PLXNB2: variants seen among roughly 807,000 people sequenced by gnomAD.
PLXNB2 encodes plexin-B2.
A neutral mutation model predicts 202.6 loss-of-function variants in PLXNB2; 85 were observed. The ratio of observed to expected loss-of-function variants is 0.42; its 90% CI spans 0.35 to 0.50. The LOEUF (loss-of-function observed/expected upper bound fraction) is 0.50, where lower values mean the gene tolerates loss of function less well. Ranked by LOEUF, PLXNB2 falls within the 20% of genes least tolerant of loss-of-function variation. The pLI, the probability that PLXNB2 is intolerant of heterozygous loss-of-function variation, is 0.02. For synonymous variants in PLXNB2, 1,239 were observed against 1,137.6 expected, an observed-to-expected ratio of 1.09 and a Z score of -1.79; for missense variants, 2,063 against 2,586.2, an observed-to-expected ratio of 0.80 and a Z score of 4.39.
chr22:50,279,614 C>T lies in PLXNB2; in HGVS notation c.4389+16G>A. The T allele has an allele frequency of 3.1e-6, 5 of 1,612,596 alleles. 1 individual carries two copies. In the South Asian group the frequency reaches 5.5e-5, roughly 18 times the overall value. Reference sequence around the variant, plus strand: ...GATCCGAGGCGCCCATGGCGGCCCCCACCCCAGAAGCTCACCAGGGGTGCG... The same window carrying T: ...GATCCGAGGCGCCCATGGCGGCCCCTACCCCAGAAGCTCACCAGGGGTGCG... On this transcript the variant is annotated intron_variant, in intron 27 of 36. Transcript: ENST00000359337.
chr22:50,294,087 G>A (rs574088464), intron 2 of PLXNB2, among the ~76,000 whole-genome samples: 10 of 152,346 alleles, frequency 6.6e-5, no homozygotes, highest in South Asian at 2.1e-4. Flanking sequence ...CTCCGGCGGC[G>A]CAGGAGGCGC....
At chr22:50,306,728 CT>C (rs2147742693) in intron 1 of PLXNB2, among the ~76,000 whole-genome samples, 1 of 151,380 alleles carries the variant, frequency 6.6e-6, no homozygotes, top group South Asian at 2.1e-4. Flanking sequence ...CACCCTCACC[CT>C]CACCCCCTGT....
intron 1 of PLXNB2, among the ~76,000 whole-genome samples, chr22:50,300,042 C>G (rs942654427): frequency 6.6e-6 from 1 of 152,050 alleles, no homozygotes; most frequent in Non-Finnish European, 1.5e-5. Flanking sequence ...CCGCCCACTG[C>G]CCCCCGCGAG....
rs1419110861 is a variant in PLXNB2, at chr22:50,278,454, C to T, written c.4713G>A (p.Gln1571=). Residue 1571 remains glutamine (Q), a synonymous_variant, in exon 30 of 37, where the codon CAG becomes CAA. Coordinates refer to ENST00000359337, the MANE Select transcript of PLXNB2 (RefSeq NM_012401.4). The part of the protein sequence containing the change: ...VGVSQQPEDS[Q]QDLPGERHAL... Reference sequence around the variant, plus strand: ...ACTCACGCTCCCCAGGCAGGTCCTGCTGGCTGTCCTCCGGCTGCTGGGAGA... The same window carrying T: ...ACTCACGCTCCCCAGGCAGGTCCTGTTGGCTGTCCTCCGGCTGCTGGGAGA... 2 of 1,559,086 alleles carry T rather than the reference C, an allele frequency of 1.3e-6. No homozygotes were observed. The highest frequency in any genetic ancestry group is 1.7e-6 in the Non-Finnish European group (2 of 1,151,614).
rs2065750668 is a variant in PLXNB2, at chr22:50,278,248, TCTC to T, written c.4753_4755del (p.Glu1585del). Reference sequence around the variant, plus strand: ...GGCCGCACCAGGTGCCACACCCGGTTCTCCTCCTCCAGGAGGGCATGGCCTGTG... The same window carrying T: ...GGCCGCACCAGGTGCCACACCCGGTTCTCCTCCAGGAGGGCATGGCCTGTG... On this transcript the variant is annotated inframe_deletion, in exon 31 of 37. Transcript: ENST00000359337. 3 of 1,610,810 alleles carry T rather than the reference TCTC, an allele frequency of 1.9e-6. No homozygotes were observed. The highest frequency in any genetic ancestry group is 2.5e-6 in the Non-Finnish European group (3 of 1,179,888).
At chr22:50,293,107 AG>A (rs1408631745) in intron 2 of PLXNB2, among the ~76,000 whole-genome samples, 1 of 152,228 alleles carries the variant, frequency 6.6e-6, no homozygotes, top group African/African-American at 2.4e-5. Flanking sequence ...GTGATCAGCC[AG>A]GAAAAGATGC....
intron 1 of PLXNB2, among the ~76,000 whole-genome samples, chr22:50,307,086 C>T (rs1467723489): frequency 1.3e-5 from 2 of 152,108 alleles, no homozygotes; most frequent in South Asian, 2.1e-4. Flanking sequence ...TCGCCAGGTG[C>T]GGGTGCTCTC....
chr22:50,276,955 G>T, intron 33 of PLXNB2, 49 bp from the exon 34 acceptor site: 1 of 1,432,626 alleles, frequency 7.0e-7, no homozygotes, highest in Non-Finnish European at 9.6e-7. Context: ...GCCAGGCTGG[G>T]GCTGCTCAGA....
chr22:50,296,051 G>A (rs1053209935), intron 1 of PLXNB2, among the ~76,000 whole-genome samples: 5 of 152,024 alleles, frequency 3.3e-5, no homozygotes, highest in Admixed American at 2.6e-4. Context: ...GCAGTGAGCC[G>A]AGATCGCGCC....
In PLXNB2 at chr22:50,284,033, G is replaced by A. The variant is rs755949129; in HGVS notation, c.2264-43C>T. The A allele has an allele frequency of 2.6e-5, 39 of 1,510,706 alleles. No individual in the cohort carries two copies. The highest frequency in any genetic ancestry group is 6.0e-5 in the Admixed American group (3 of 49,896). The allele number at this position is 1,510,706 out of a possible 1,614,324, so 93.6% of individuals were successfully genotyped here. ...GTCAGTGGTCACCCCGTGCCTGCCCGCCCCCGACCTGCTCCCCACTGCGCC... is the reference window on the plus strand; with the variant it reads ...GTCAGTGGTCACCCCGTGCCTGCCCACCCCCGACCTGCTCCCCACTGCGCC... On this transcript the variant is annotated intron_variant, in intron 13 of 36. Coordinates refer to ENST00000359337, the MANE Select transcript of PLXNB2 (RefSeq NM_012401.4). This position sits in a 1 kb window ranked among gnomAD's most constrained non-coding sequence, Gnocchi z 8.0.
At position 50,300,390 on chromosome 22, in the gene PLXNB2, G is replaced by T. The variant is rs543510945; in HGVS notation, c.-73-5612C>A. Reference sequence around the variant, plus strand: ...CGATGGTGGCTCCGCCCGTGCCCCCGGTCGGTCTCAGGGCTCGGCCCCTCC... The same window carrying T: ...CGATGGTGGCTCCGCCCGTGCCCCCTGTCGGTCTCAGGGCTCGGCCCCTCC... On this transcript the variant is annotated intron_variant, in intron 1 of 36. Coordinates refer to ENST00000359337, the MANE Select transcript of PLXNB2 (RefSeq NM_012401.4). The T allele has an allele frequency of 4.2e-5, 39 of 921,900 alleles. No homozygotes were observed. The East Asian group carries it at 3.7e-3, about 87-fold the overall frequency. The allele number at this position is 921,900 out of a possible 1,614,324, so 57.1% of individuals were successfully genotyped here.
Position 50,288,740 on chromosome 22 carries a change from C to G in PLXNB2, c.1380+3G>C. On this transcript the variant is annotated splice_donor_region_variant and intron_variant, in intron 5 of 36. Coordinates refer to ENST00000359337, the MANE Select transcript of PLXNB2 (RefSeq NM_012401.4). This position sits in a 1 kb window ranked among gnomAD's most constrained non-coding sequence, Gnocchi z 5.0. ...GTGCTCTCCGGGGCTGCGTCTGGCT[C>G]ACCTTGTCCTGGGTCATGGCGTACA... The G allele has an allele frequency of 6.2e-7, 1 of 1,612,802 alleles. No homozygotes were observed. Among genetic ancestry groups the G allele is most frequent in the South Asian group, 1.1e-5 (1 of 91,060 alleles).
intron 18 of PLXNB2, 129 bp from the exon 19 acceptor site, chr22:50,282,442 C>CCGTATCATTAAAAAAAA (rs1487459478): frequency 2.1e-6 from 2 of 956,052 alleles, no homozygotes; most frequent in Non-Finnish European, 3.0e-6. Flanking sequence ...TCTCGGTGGG[C>CCGTATCATTAAAAAAAA]AAAGGGGCAA....
chr22:50,300,174 G>A, intron 1 of PLXNB2: 1 of 726,720 alleles, frequency 1.4e-6, no homozygotes, highest in Non-Finnish European at 1.7e-6. Flanking sequence ...CCAGGCCGGG[G>A]GCCCAGGACG....
chr22:50,287,922 AC>A lies in PLXNB2; in HGVS notation c.1481+14del. ...CAGAGGCAGGCCGTGTCCCCGAGCC[AC>A]CCCAGGCACTCACCGTCCCTCGACG... On this transcript the variant is annotated intron_variant, in intron 6 of 36. Transcript: ENST00000359337. 6.3e-7 allele frequency: 1 copy of A among 1,582,148 alleles called. No individual in the cohort carries two copies. Among genetic ancestry groups the A allele is most frequent in the South Asian group, 1.1e-5 (1 of 87,336 alleles).
intron 1 of PLXNB2, among the ~76,000 whole-genome samples, chr22:50,307,088 G>A (rs1391176915): frequency 1.3e-5 from 2 of 152,166 alleles, no homozygotes; most frequent in African/African-American, 4.8e-5. Flanking sequence ...GCCAGGTGCG[G>A]GTGCTCTCCG....
chr22:50,292,119 C>T (rs920642744), intron 2 of PLXNB2, among the ~76,000 whole-genome samples: 2 of 152,172 alleles, frequency 1.3e-5, no homozygotes, highest in East Asian at 3.9e-4. Context: ...GGGCGGATCA[C>T]GAGGTCAGGA....
chr22:50,297,121 G>A lies in PLXNB2; in HGVS notation c.-73-2343C>T, dbSNP rs138162464. Among the ~76,000 whole-genome samples, 8 of 152,318 alleles carry A rather than the reference G, an allele frequency of 5.3e-5. No homozygotes were observed. In the East Asian group the frequency reaches 1.5e-3, roughly 29 times the overall value. ...GGGTCTCCTGAGAAAGCTGGGACCC[G>A]CGGGGACTGGAGACTGCAGCTCCCG... On this transcript the variant is annotated intron_variant, in intron 1 of 36. Transcript: ENST00000359337. The surrounding 1 kb of genome is among the most constrained non-coding windows in gnomAD (Gnocchi z 5.3).
At chr22:50,307,445 G>T in intron 1 of PLXNB2, 108 bp downstream of exon 1, 1 of 579,302 alleles carries the variant, frequency 1.7e-6, no homozygotes, top group Non-Finnish European at 2.2e-6. Context: ...AGCCGCCGCA[G>T]GTCCCCGGGC....
Sources: allele counts gnomAD v4.1 joint callset (sites outside exome capture counted in the v4.1 genomes callset), GRCh38; gene constraint gnomAD v4.1.1; non-coding constraint Gnocchi (gnomAD v3.1); transcripts MANE v1.5; gene names NCBI Gene and HGNC (gene_info 2026-07-23, HGNC 2026-07-21).